The following FOLH1 variants were observed in gnomAD, a reference collection of about 807,000 sequenced individuals.
FOLH1 encodes the protein folate hydrolase 1, also known as glutamate carboxypeptidase 2.
In FOLH1, 54 loss-of-function variants were observed where a neutral mutation model predicts 93.9. That is an observed-to-expected ratio of 0.57 (90% CI 0.46 to 0.72). The LOEUF (loss-of-function observed/expected upper bound fraction) is 0.72, where lower values mean the gene tolerates loss of function less well. Among genes scored for constraint, FOLH1 ranks in the 30% least tolerant of loss-of-function variants. The probability of loss-of-function intolerance (pLI) is 0.00; values close to 1 mark genes in which losing one functional copy is unlikely to be tolerated. For missense variants in FOLH1, 571 were observed against 892.5 expected (o/e 0.64, Z 4.59); for synonymous variants, 249 against 303.6 (o/e 0.82, Z 1.87).
chr11:49,186,502 C>T lies in FOLH1; in HGVS notation c.639+142G>A, dbSNP rs1384209308. 34 of 988,698 alleles carry T rather than the reference C, an allele frequency of 3.4e-5. 1 individual carries two copies. The South Asian group carries it at 4.8e-4, about 14-fold the overall frequency. 61.2% of individuals were successfully genotyped at this position (988,698 alleles called of 1,614,324 possible). On this transcript the variant is annotated intron_variant, in intron 5 of 18. Coordinates refer to ENST00000256999, the MANE Select transcript of FOLH1 (RefSeq NM_004476.3). ...CCGGGATATAACCTAGTAAATGTGT[C>T]CTCTCTGTAAGGTGGGCATGTCACA... is the stretch of plus-strand genomic sequence containing the variant.
chr11:49,147,966 G>A (rs1435193364), intron 18 of FOLH1, among the ~76,000 whole-genome samples: 2 of 151,918 alleles, frequency 1.3e-5, no homozygotes, highest in African/African-American at 4.8e-5. Flanking sequence ...ATAAAAATAT[G>A]CTGCTACTGG....
chr11:49,164,750 A>G lies in FOLH1; in HGVS notation c.1395T>C (p.Asp465=), dbSNP rs763952088. The G allele has an allele frequency of 3.1e-6, 5 of 1,603,276 alleles. No individual in the cohort carries two copies. Among genetic ancestry groups the G allele is most frequent in the African/African-American group, 2.7e-5 (2 of 74,808 alleles). Residue 465 remains aspartate, a synonymous_variant, in exon 13 of 19, where the codon GAT becomes GAC. Coordinates refer to ENST00000256999, the MANE Select transcript of FOLH1 (RefSeq NM_004476.3). The stretch of plus-strand genomic sequence containing the variant: ...CCAAGCTGTACATCAGCGGTGTACA[A>G]TCAACTCTCAGAGTGTAGTTTCCTG... ...SIEGNYTLRV[D]CTPLMYSLVH...
At chr11:49,191,223 AG>A (rs1426442478) in intron 4 of FOLH1, among the ~76,000 whole-genome samples, 1 of 152,168 alleles carries the variant, frequency 6.6e-6, no homozygotes, top group Non-Finnish European at 1.5e-5. Flanking sequence ...CGTGTTAGCT[AG>A]GATGGTCTGG....
chr11:49,169,829 T>C (rs371024394), intron 11 of FOLH1, among the ~76,000 whole-genome samples: 5 of 152,338 alleles, frequency 3.3e-5, no homozygotes, highest in African/African-American at 1.2e-4. Flanking sequence ...GCAAAGTTTT[T>C]TTGAGATATC....
rs558472085 is a variant in FOLH1 at position 49,161,058 on chromosome 11, A to G, written c.1441-3015T>C. On this transcript the variant is annotated intron_variant, in intron 13 of 18. Coordinates refer to ENST00000256999, the MANE Select transcript of FOLH1 (RefSeq NM_004476.3). ...TGTTTTACTTCCAATTATGTGATCA[A>G]TTTTAGAGTAAGTGCCATGGGCTGA... 9.2e-5 allele frequency among the ~76,000 whole-genome samples: 14 copies of G among 152,142 alleles called. No individual in the cohort carries two copies. The South Asian group carries it at 1.0e-3, about 11-fold the overall frequency.
chr11:49,151,742 A>G (rs1477111645), intron 17 of FOLH1, among the ~76,000 whole-genome samples: 1 of 152,206 alleles, frequency 6.6e-6, no homozygotes, highest in Non-Finnish European at 1.5e-5. Context: ...GTGCCAAACA[A>G]TAAGTGTCCT....
intron 7 of FOLH1, among the ~76,000 whole-genome samples, chr11:49,181,593 A>C (rs1860746977): frequency 6.6e-6 from 1 of 152,030 alleles, no homozygotes; most frequent in Non-Finnish European, 1.5e-5. Flanking sequence ...AGTACATATA[A>C]ATTGTTGAAG....
At chr11:49,186,805 T>C (rs1351519415) in intron 4 of FOLH1, 36 bp from the exon 5 acceptor site, 4 of 1,547,022 alleles carry the variant, frequency 2.6e-6, no homozygotes, top group Non-Finnish European at 3.5e-6. Flanking sequence ...ATGAGTCAGA[T>C]ATAAAACAAG....
chr11:49,153,445 GA>G, intron 17 of FOLH1, among the ~76,000 whole-genome samples: 1 of 151,678 alleles, frequency 6.6e-6, no homozygotes, highest in African/African-American at 2.4e-5. Context: ...GAAAAAGCAA[GA>G]AATAAAACTG....
At chr11:49,164,657 C>A in intron 13 of FOLH1, 48 bp downstream of exon 13, 1 of 1,323,372 alleles carries the variant, frequency 7.6e-7, no homozygotes, top group Non-Finnish European at 1.1e-6. Flanking sequence ...CTCAAGAAAA[C>A]ATCATTTGTA....
Position 49,208,513 on chromosome 11 carries a change from T to A in FOLH1, c.-104A>T, listed in dbSNP as rs947384712. 8.2e-6 allele frequency: 6 copies of A among 734,280 alleles called. No homozygotes were observed. Among genetic ancestry groups the A allele is most frequent in the Admixed American group, 5.8e-5 (2 of 34,578 alleles). 45.5% of individuals were successfully genotyped at this position (734,280 alleles called of 1,614,324 possible). The stretch of plus-strand genomic sequence containing the variant: ...GGGGTAAAGTCTCTCTCAATCTCAC[T>A]AATGCCTCGCTTATCAGCCCTGCAG... On this transcript the variant is annotated 5_prime_UTR_variant, in exon 1 of 19. Coordinates refer to ENST00000256999, the MANE Select transcript of FOLH1 (RefSeq NM_004476.3).
chr11:49,202,699 C>G (rs1312229333), intron 2 of FOLH1, among the ~76,000 whole-genome samples: 1 of 152,224 alleles, frequency 6.6e-6, no homozygotes, highest in East Asian at 1.9e-4. Flanking sequence ...CAGTACATTT[C>G]ATCTTGTTTA....
At position 49,156,734 on chromosome 11, in the gene FOLH1, G is replaced by A. The variant is rs368939818; in HGVS notation, c.1606C>T (p.Arg536Trp). ...TCACTTACCCAATTTTTAGTATACCGTGCTCTGCCTGAAGCAATTCCAAGT... is the reference window on the plus strand; with the variant it reads ...TCACTTACCCAATTTTTAGTATACCATGCTCTGCCTGAAGCAATTCCAAGT... ...QRLGIASGRA[R>W]YTKNWETNKF... The change falls in exon 15 of 19, where the codon CGG becomes TGG. Residue 536 changes from arginine (R) to tryptophan (W), a missense_variant. By Grantham distance (101) the Arg-to-Trp change is moderately radical. Coordinates refer to ENST00000256999, the MANE Select transcript of FOLH1 (RefSeq NM_004476.3). 2.8e-5 allele frequency: 45 copies of A among 1,612,372 alleles called. No homozygotes were observed. The highest frequency in any genetic ancestry group is 7.7e-5 in the South Asian group (7 of 91,038).
At chr11:49,189,686 T>C (rs1052481066) in intron 4 of FOLH1, among the ~76,000 whole-genome samples, 2 of 152,230 alleles carry the variant, frequency 1.3e-5, no homozygotes, top group Non-Finnish European at 2.9e-5. Context: ...TGCACCATCA[T>C]GAAGTCAAAA....
rs531040952 is a variant in FOLH1 at position 49,153,934 on chromosome 11, T to C, written c.1889-7A>G. 19 of 1,596,904 alleles carry C rather than the reference T, an allele frequency of 1.2e-5. No individual in the cohort carries two copies. Among genetic ancestry groups the C allele is most frequent in the Non-Finnish European group, 1.5e-5 (18 of 1,171,804 alleles). Reference sequence around the variant, plus strand: ...ACTGCAGAAAAAAGTGAATCTGAAATAGAAATTGGGATCATCAAATGCTTA... The same window carrying C: ...ACTGCAGAAAAAAGTGAATCTGAAACAGAAATTGGGATCATCAAATGCTTA... On this transcript the variant is annotated splice_region_variant and splice_polypyrimidine_tract_variant and intron_variant, in intron 16 of 18. Transcript: ENST00000256999.
intron 13 of FOLH1, among the ~76,000 whole-genome samples, chr11:49,164,180 T>C (rs2135003913): frequency 6.6e-6 from 1 of 152,330 alleles, no homozygotes; most frequent in African/African-American, 2.4e-5. Flanking sequence ...CTTAATGGCA[T>C]TTAAATTTTA....
intron 3 of FOLH1, among the ~76,000 whole-genome samples, chr11:49,198,904 C>T (rs1158088675): frequency 6.6e-6 from 1 of 151,506 alleles, no homozygotes; most frequent in Non-Finnish European, 1.5e-5. Context: ...CATGCCACCA[C>T]GCCTGGCTTA....
rs1315329729 is a variant in FOLH1 at position 49,146,196 on chromosome 11, TTACTA to T, written c.*555_*559del. Among the ~76,000 whole-genome samples, 1 of 152,220 alleles carries T rather than the reference TTACTA, an allele frequency of 6.6e-6. No individual in the cohort carries two copies. Among genetic ancestry groups the T allele is most frequent in the African/African-American group, 2.4e-5 (1 of 41,470 alleles). ...ATTAGGTTCACAAGTGTTCATTTAA[TTACTA>T]TACATATATTTTATACTATAGCCTT... On this transcript the variant is annotated 3_prime_UTR_variant, in exon 19 of 19. Transcript: ENST00000256999.
chr11:49,146,619 T>G lies in FOLH1; in HGVS notation c.*137A>C. ...TAAACAATATAAACACACACATATATAAACACTCACATAACTATATATAAT... is the reference window on the plus strand; with the variant it reads ...TAAACAATATAAACACACACATATAGAAACACTCACATAACTATATATAAT... On this transcript the variant is annotated 3_prime_UTR_variant, in exon 19 of 19. Transcript: ENST00000256999. The G allele has an allele frequency of 3.0e-6, 2 of 660,306 alleles. No homozygotes were observed. Among genetic ancestry groups the G allele is most frequent in the Non-Finnish European group, 4.9e-6 (2 of 407,044 alleles). The allele number at this position is 660,306 out of a possible 1,614,324, so 40.9% of individuals were successfully genotyped here.
Sources: gnomAD v4.1 joint callset for allele counts (sites outside exome capture counted in the v4.1 genomes callset) on GRCh38, gnomAD v4.1.1 for gene constraint, MANE v1.5 for transcripts, NCBI Gene and HGNC (gene_info 2026-07-23, HGNC 2026-07-21) for gene names.